The following ZNF467 variants were observed in gnomAD, a reference collection of about 807,000 sequenced individuals.
The protein encoded by ZNF467 is zinc finger protein EZI.
ZNF467 carries 51 observed loss-of-function variants against 47.8 expected under a neutral mutation model. The ratio of observed to expected loss-of-function variants is 1.07; its 90% CI spans 0.85 to 1.35. The LOEUF is 1.35. ZNF467 is among the 40% of genes most tolerant of loss of function. The probability of loss-of-function intolerance (pLI) is 0.00; values close to 1 mark genes in which losing one functional copy is unlikely to be tolerated. For synonymous variants in ZNF467, 416 were observed against 372.9 expected (o/e 1.12, Z -1.33); for missense variants, 992 against 858.1 (o/e 1.16, Z -1.95).
rs1585943234 is a variant in ZNF467 at position 149,765,515 on chromosome 7, C to G, written c.987G>C (p.Arg329Ser). ...QRVHQTAGPA[R>S]PSPDSSASPH... ...GAGAAGCGGACGAGTCGGGAGAGGG[C>G]CTGGCCGGGCCGGCCGTCTGGTGCA... The change falls in exon 5 of 5, where the codon AGG becomes AGC. Residue 329 changes from arginine to serine, a missense_variant. Physicochemically the swap from Arg to Ser is moderately radical, Grantham distance 110. Transcript: ENST00000302017. 6.3e-7 allele frequency: 1 copy of G among 1,579,538 alleles called. No homozygotes were observed. The highest frequency in any genetic ancestry group is 2.3e-5 in the East Asian group (1 of 43,598).
At chr7:149,772,128 A>G (rs1055694262) in intron 1 of ZNF467, among the ~76,000 whole-genome samples, 1 of 65,208 alleles carries the variant, frequency 1.5e-5, no homozygotes, top group African/African-American at 5.7e-5. Flanking sequence ...TCCCCAACCC[A>G]GTTCTCCTCT....
upstream of ZNF467, chr7:149,776,387 A>G (rs772618337): frequency 5.9e-6 from 8 of 1,363,688 alleles, no homozygotes; most frequent in Non-Finnish European, 7.8e-6. Flanking sequence ...GTGGAGGAGG[A>G]AGTGGCACCC....
chr7:149,765,132 C>G lies in ZNF467; in HGVS notation c.1370G>C (p.Arg457Pro). Residue 457 changes from arginine to proline, a missense_variant, in exon 5 of 5, where the codon CGG becomes CCG. Physicochemically the swap from Arg to Pro is moderately radical, Grantham distance 103. Coordinates refer to ENST00000302017, the MANE Select transcript of ZNF467 (RefSeq NM_207336.3). ...GTCACACTGCGTGCAGGCGAAGGGC[C>G]GTTCGCCCGTGTGCACGCGCGGGTG... The part of the protein sequence containing the change: ...ARHPRVHTGE[R>P]PFACTQCDRR... The G allele has an allele frequency of 1.3e-6, 2 of 1,482,914 alleles. No homozygotes were observed. Among genetic ancestry groups the G allele is most frequent in the Non-Finnish European group, 1.8e-6 (2 of 1,121,188 alleles). The allele number at this position is 1,482,914 out of a possible 1,614,324, so 91.9% of individuals were successfully genotyped here. A position where few individuals can be genotyped will look rare whatever the true frequency, so the allele number is the denominator to read the frequency against.
Position 149,769,034 on chromosome 7 carries a change from G to T in ZNF467, c.262+56C>A. On this transcript the variant is annotated intron_variant, in intron 4 of 4. Transcript: ENST00000302017. The surrounding 1 kb of genome is among the most constrained non-coding windows in gnomAD (Gnocchi z 5.3). ...TGAGATAGCAGCTCCGGAGCTTGCT[G>T]GGCCCCGTTCCCTTGGCCTGAGCCC... is the stretch of plus-strand genomic sequence containing the variant. The T allele has an allele frequency of 7.0e-7, 1 of 1,434,500 alleles. No individual in the cohort carries two copies. The allele number at this position is 1,434,500 out of a possible 1,614,324, so 88.9% of individuals were successfully genotyped here.
intron 1 of ZNF467, 39 bp from the exon 2 acceptor site, chr7:149,771,113 G>T: frequency 1.3e-6 from 2 of 1,587,204 alleles, no homozygotes. Flanking sequence ...TTTTTCCCAC[G>T]CCAGCTTCCA....
Position 149,765,079 on chromosome 7 carries a change from C to A in ZNF467, c.1423G>T (p.Val475Phe), listed in dbSNP as rs200292588. ...CCGCTGTGGGCCCTGGAGTGGGCGA[C>A]CAGATTAGGCCGCGAGCCGAAGCGG... ...DRRFGSRPNLVAHSRAHSGAR... is the reference protein window; with the variant it reads ...DRRFGSRPNLFAHSRAHSGAR... The change falls in exon 5 of 5, where the codon GTC becomes TTC. Residue 475 changes from valine (V) to phenylalanine (F), a missense_variant. Physicochemically the swap from Val to Phe is conservative, Grantham distance 50. Coordinates refer to ENST00000302017, the MANE Select transcript of ZNF467 (RefSeq NM_207336.3). The A allele has an allele frequency of 3.4e-6, 5 of 1,473,194 alleles. 1 individual carries two copies. The East Asian group carries it at 1.3e-4, about 39-fold the overall frequency. The allele number at this position is 1,473,194 out of a possible 1,614,324, so 91.3% of individuals were successfully genotyped here.
Position 149,769,066 on chromosome 7 carries a change from G to C in ZNF467, c.262+24C>G. The C allele has an allele frequency of 6.6e-7, 1 of 1,526,602 alleles. No individual in the cohort carries two copies. Among genetic ancestry groups the C allele is most frequent in the Non-Finnish European group, 8.8e-7 (1 of 1,135,050 alleles). The allele number at this position is 1,526,602 out of a possible 1,614,324, so 94.6% of individuals were successfully genotyped here. On this transcript the variant is annotated intron_variant, in intron 4 of 4. Transcript: ENST00000302017. This position sits in a 1 kb window ranked among gnomAD's most constrained non-coding sequence, Gnocchi z 5.3. ...GTTCCCTTGGCCTGAGCCCGTGGTG[G>C]GATGAAGTGATGGGAAGACTCACCT...
At chr7:149,772,554 A>G (rs1489850596) in intron 1 of ZNF467, among the ~76,000 whole-genome samples, 1 of 87,482 alleles carries the variant, frequency 1.1e-5, no homozygotes, top group Non-Finnish European at 2.2e-5. Context: ...CCCCCTCCCT[A>G]TTTCTGCTCC....
chr7:149,764,379 T>C lies in ZNF467; in HGVS notation c.*335A>G, dbSNP rs1799070877. The stretch of plus-strand genomic sequence containing the variant: ...CCCCAGAACTTTCCGATTTTAACTT[T>C]AATGAAACTTTAAGTACATAAATAA... On this transcript the variant is annotated 3_prime_UTR_variant, in exon 5 of 5. Coordinates refer to ENST00000302017, the MANE Select transcript of ZNF467 (RefSeq NM_207336.3). The C allele has an allele frequency of 1.4e-5, 8 of 560,132 alleles. No homozygotes were observed. In the South Asian group the frequency reaches 1.9e-4, roughly 14 times the overall value. The allele number at this position is 560,132 out of a possible 1,614,324, so 34.7% of individuals were successfully genotyped here. A position where few individuals can be genotyped will look rare whatever the true frequency, so the allele number is the denominator to read the frequency against.
intron 1 of ZNF467, among the ~76,000 whole-genome samples, chr7:149,771,374 A>C (rs1397795342): frequency 6.6e-6 from 1 of 152,100 alleles, no homozygotes; most frequent in African/African-American, 2.4e-5. Context: ...TCCACGCCCC[A>C]GCGTCCTTGC....
rs777117662 is a variant in ZNF467, at chr7:149,765,055, C to G, written c.1447G>C (p.Gly483Arg). 6.7e-7 allele frequency: 1 copy of G among 1,500,986 alleles called. No homozygotes were observed. The highest frequency in any genetic ancestry group is 2.5e-5 in the East Asian group (1 of 39,340). 93.0% of individuals were successfully genotyped at this position (1,500,986 alleles called of 1,614,324 possible). The stretch of plus-strand genomic sequence containing the variant: ...TGAGCGCAGGCGAAAGGCCTGGCGC[C>G]GCTGTGGGCCCTGGAGTGGGCGACC... ...NLVAHSRAHS[G>R]ARPFACAQCG... Residue 483 changes from glycine to arginine, a missense_variant, in exon 5 of 5, where the codon GGC (glycine) becomes CGC (arginine). By Grantham distance (125) the Gly-to-Arg change is moderately radical. Transcript: ENST00000302017.
Position 149,765,861 on chromosome 7 carries a change from C to T in ZNF467, c.641G>A (p.Arg214Gln), listed in dbSNP as rs1022934768. ...GTCGCACTCGGAGCACGGGAAAGGC[C>T]GCTCGCCGCGGTGGCTGCGCTGATG... Reference protein sequence around the residue: ...LLHQRSHRGERPFPCSECDKR... With the variant: ...LLHQRSHRGEQPFPCSECDKR... Residue 214 changes from arginine to glutamine, a missense_variant, in exon 5 of 5, where the codon CGG becomes CAG. Physicochemically the swap from Arg to Gln is conservative, Grantham distance 43. Transcript: ENST00000302017. The T allele has an allele frequency of 1.9e-6, 3 of 1,602,598 alleles. No individual in the cohort carries two copies. The highest frequency in any genetic ancestry group is 2.7e-5 in the African/African-American group (2 of 74,680).
At chr7:149,768,094 C>G (rs1481979922) in intron 4 of ZNF467, among the ~76,000 whole-genome samples, 1 of 152,234 alleles carries the variant, frequency 6.6e-6, no homozygotes, top group East Asian at 1.9e-4. Context: ...TTGACAAATT[C>G]CCAGTGCATG....
chr7:149,765,170 C>T lies in ZNF467; in HGVS notation c.1332G>A (p.Gln444=). ...PDCGRGFSHG[Q]HLARHPRVHT... ...GCACGCGCGGGTGCCGCGCCAGGTG[C>T]TGCCCATGGGAGAAGCCGCGCCCGC... Residue 444 remains glutamine, a synonymous_variant, in exon 5 of 5, where the codon CAG becomes CAA. Transcript: ENST00000302017. 6.7e-7 allele frequency: 1 copy of T among 1,500,646 alleles called. No individual in the cohort carries two copies. Among genetic ancestry groups the T allele is most frequent in the Non-Finnish European group, 8.9e-7 (1 of 1,129,264 alleles). 93.0% of individuals were successfully genotyped at this position (1,500,646 alleles called of 1,614,324 possible).
rs1799490105 is a variant in ZNF467, at chr7:149,773,411, CG to C, written c.-347del. Reference sequence around the variant, plus strand: ...GGAGTGGGGTCCCAGGAGGGAGCACCGTGGGCTTAGGTGGGCAGGTGATGGT... The same window carrying C: ...GGAGTGGGGTCCCAGGAGGGAGCACCTGGGCTTAGGTGGGCAGGTGATGGT... On this transcript the variant is annotated 5_prime_UTR_variant, in exon 1 of 5. Transcript: ENST00000302017. 1 of 142,216 alleles carries C rather than the reference CG, an allele frequency of 7.0e-6. No individual in the cohort carries two copies. Among genetic ancestry groups the C allele is most frequent in the Non-Finnish European group, 1.5e-5 (1 of 65,728 alleles). 8.8% of individuals were successfully genotyped at this position (142,216 alleles called of 1,614,324 possible). A position where few individuals can be genotyped will look rare whatever the true frequency, so the allele number is the denominator to read the frequency against.
intron 4 of ZNF467, among the ~76,000 whole-genome samples, 181 bp downstream of exon 4, chr7:149,768,909 C>T (rs1799300682): frequency 6.6e-6 from 1 of 152,234 alleles, no homozygotes; most frequent in Non-Finnish European, 1.5e-5. Context: ...GTGAAATTCC[C>T]TTTCGGCATT....
At chr7:149,771,668 C>A (rs1799411592) in intron 1 of ZNF467, among the ~76,000 whole-genome samples, 1 of 151,966 alleles carries the variant, frequency 6.6e-6, no homozygotes, top group Non-Finnish European at 1.5e-5. Context: ...CCGGACACCG[C>A]CCCTGCTGCC....
chr7:149,766,542 C>T (rs1370879114), intron 4 of ZNF467, among the ~76,000 whole-genome samples: 1 of 152,226 alleles, frequency 6.6e-6, no homozygotes, highest in Non-Finnish European at 1.5e-5. Context: ...TGCTTCGCTC[C>T]AGGTTCACAT....
Position 149,769,095 on chromosome 7 carries a change from C to T in ZNF467, c.257G>A (p.Cys86Tyr), listed in dbSNP as rs1162797826. Residue 86 changes from cysteine (C) to tyrosine (Y), a missense_variant, in exon 4 of 5, where the codon TGC (cysteine) becomes TAC (tyrosine). Cys to Tyr is a radical substitution (Grantham distance 194). Coordinates refer to ENST00000302017, the MANE Select transcript of ZNF467 (RefSeq NM_207336.3). The surrounding 1 kb of genome is among the most constrained non-coding windows in gnomAD (Gnocchi z 5.3). The stretch of plus-strand genomic sequence containing the variant: ...GAAGTGATGGGAAGACTCACCTGGG[C>T]AGGTACCCACAGGCTGAGCCTTCTG... The part of the protein sequence containing the change: ...SAQKAQPVGT[C>Y]PGEEWMIRKV... 1.3e-6 allele frequency: 2 copies of T among 1,548,166 alleles called. No individual in the cohort carries two copies. The highest frequency in any genetic ancestry group is 2.4e-5 in the East Asian group (1 of 41,058).
Sources: gnomAD v4.1 joint callset for allele counts (sites outside exome capture counted in the v4.1 genomes callset) on GRCh38, gnomAD v4.1.1 for gene constraint, Gnocchi (gnomAD v3.1) non-coding constraint, MANE v1.5 for transcripts, NCBI Gene and HGNC (gene_info 2026-07-23, HGNC 2026-07-21) for gene names.